APP: variants seen among roughly 807,000 people sequenced by gnomAD.
APP encodes the protein amyloid beta precursor protein.
APP carries 31 observed loss-of-function variants against 101.4 expected under a neutral mutation model. The observed-to-expected ratio is 0.31, with a 90% CI of 0.23 to 0.41. The LOEUF (loss-of-function observed/expected upper bound fraction) is 0.41, where lower values mean the gene tolerates loss of function less well. APP is among the 10% of genes least tolerant of loss of function. The probability of loss-of-function intolerance (pLI) is 1.00; values close to 1 mark genes in which losing one functional copy is unlikely to be tolerated. For missense variants in APP, 839 were observed against 1,003.7 expected (o/e 0.84, Z 2.22); for synonymous variants, 366 against 364.4 (o/e 1.00, Z -0.05).
intron 15 of APP, among the ~76,000 whole-genome samples, chr21:25,901,308 A>AC (rs2038461575): frequency 2.7e-5 from 3 of 112,864 alleles, no homozygotes; most frequent in African/African-American, 5.2e-5. Flanking sequence ...AAAAAAAAAA[A>AC]AAAAAAAAAA....
chr21:26,162,626 C>G (rs919803212), intron 1 of APP, among the ~76,000 whole-genome samples: 1 of 151,830 alleles, frequency 6.6e-6, no homozygotes, highest in East Asian at 1.9e-4. Flanking sequence ...TGTAAAATAT[C>G]TCCAGGGGGT....
chr21:26,148,147 C>G (rs1374037520), intron 1 of APP, among the ~76,000 whole-genome samples: 1 of 152,166 alleles, frequency 6.6e-6, no homozygotes, highest in East Asian at 1.9e-4. Context: ...AGTGGAGAAG[C>G]CACAAACCCC....
intron 8 of APP, among the ~76,000 whole-genome samples, chr21:25,989,784 T>G (rs945049367): frequency 2.6e-5 from 4 of 152,154 alleles, no homozygotes; most frequent in African/African-American, 9.7e-5. Context: ...TGGCTATAAT[T>G]TAGGAAAGGA....
chr21:26,128,102 T>C (rs2062720198), intron 1 of APP, among the ~76,000 whole-genome samples: 1 of 152,178 alleles, frequency 6.6e-6, no homozygotes, highest in African/African-American at 2.4e-5. Context: ...TAGACAATCT[T>C]TCCTTGTTTA....
intron 3 of APP, among the ~76,000 whole-genome samples, chr21:26,057,754 G>GTC (rs2046101674): frequency 6.6e-6 from 1 of 152,108 alleles, no homozygotes; most frequent in East Asian, 1.9e-4. Context: ...GAAAATCCAG[G>GTC]TCTCCAGTTC....
At chr21:26,019,436 T>C (rs1036481335) in intron 6 of APP, among the ~76,000 whole-genome samples, 3 of 152,306 alleles carry the variant, frequency 2.0e-5, no homozygotes, top group South Asian at 2.1e-4. Flanking sequence ...ATGCTCTCCA[T>C]GGAACCTTCT....
intron 9 of APP, among the ~76,000 whole-genome samples, chr21:25,980,963 G>A (rs980346097): frequency 1.3e-5 from 2 of 152,178 alleles, no homozygotes; most frequent in African/African-American, 4.8e-5. Context: ...GGGTAGGCGG[G>A]TTTAGGACTG....
intron 17 of APP, among the ~76,000 whole-genome samples, chr21:25,883,887 C>T (rs2037154393): frequency 6.6e-6 from 1 of 152,068 alleles, no homozygotes; most frequent in South Asian, 2.1e-4. Context: ...CAGAATGTTC[C>T]ATCCATTATG....
chr21:25,979,957 T>G (rs1169711653), intron 9 of APP, among the ~76,000 whole-genome samples: 1 of 152,182 alleles, frequency 6.6e-6, no homozygotes. Flanking sequence ...TATTTAGAAT[T>G]AAATGAAAGG....
chr21:25,966,168 A>C (rs1460999805), intron 11 of APP, among the ~76,000 whole-genome samples: 3 of 152,232 alleles, frequency 2.0e-5, no homozygotes, highest in Admixed American at 2.0e-4. Flanking sequence ...CGAACTTGGT[A>C]AACATTCAGA....
At chr21:26,026,154 C>T (rs2044562925) in intron 5 of APP, among the ~76,000 whole-genome samples, 1 of 152,194 alleles carries the variant, frequency 6.6e-6, no homozygotes, top group Non-Finnish European at 1.5e-5. Flanking sequence ...AATTTCCTTA[C>T]AAACAATCAA....
intron 1 of APP, among the ~76,000 whole-genome samples, chr21:26,137,589 A>C (rs954453269): frequency 6.6e-6 from 1 of 152,180 alleles, no homozygotes; most frequent in Non-Finnish European, 1.5e-5. Flanking sequence ...CCTCACTGGG[A>C]GTTAGAAATG....
At chr21:26,043,145 G>A (rs897720567) in intron 5 of APP, among the ~76,000 whole-genome samples, 1 of 152,126 alleles carries the variant, frequency 6.6e-6, no homozygotes, top group Non-Finnish European at 1.5e-5. Flanking sequence ...AATGAAACAT[G>A]GGACCCATCA....
chr21:26,098,559 G>A (rs2061995743), intron 2 of APP, among the ~76,000 whole-genome samples: 2 of 152,242 alleles, frequency 1.3e-5, no homozygotes, highest in South Asian at 4.1e-4. Flanking sequence ...TTGTAAACAG[G>A]CCACCTAAGA....
At chr21:26,024,264 G>A (rs566040190) in intron 5 of APP, among the ~76,000 whole-genome samples, 1 of 151,616 alleles carries the variant, frequency 6.6e-6, no homozygotes, top group South Asian at 2.1e-4. Context: ...AAGTACCATA[G>A]TAATAGAATT....
At chr21:25,896,604 G>A (rs895062794) in intron 16 of APP, among the ~76,000 whole-genome samples, 2 of 152,092 alleles carry the variant, frequency 1.3e-5, no homozygotes, top group Non-Finnish European at 2.9e-5. Flanking sequence ...TCCACGATTT[G>A]ATTTATCTCC....
At chr21:25,966,747 T>G (rs944539414) in intron 11 of APP, among the ~76,000 whole-genome samples, 1 of 152,196 alleles carries the variant, frequency 6.6e-6, no homozygotes, top group Non-Finnish European at 1.5e-5. Context: ...CAATTAGCGG[T>G]ATCATATAAA....
chr21:25,979,557 T>G (rs570812804), intron 9 of APP, among the ~76,000 whole-genome samples: 1 of 152,200 alleles, frequency 6.6e-6, no homozygotes, highest in Non-Finnish European at 1.5e-5. Context: ...TGGAATCTAG[T>G]AGACAACATT....
chr21:26,146,226 C>T (rs2063151673), intron 1 of APP, among the ~76,000 whole-genome samples: 1 of 152,122 alleles, frequency 6.6e-6, no homozygotes, highest in African/African-American at 2.4e-5. Flanking sequence ...ATCCCAGGTA[C>T]TCGGGAGGCT....
Sources: gnomAD v4.1 joint callset for allele counts (sites outside exome capture counted in the v4.1 genomes callset) on GRCh38, gnomAD v4.1.1 for gene constraint, MANE v1.5 for transcripts, NCBI Gene and HGNC (gene_info 2026-07-23, HGNC 2026-07-21) for gene names.